The following CTNNA3 variants were observed in gnomAD, a reference collection of about 807,000 sequenced individuals.
The protein encoded by CTNNA3 is catenin alpha-3.
Under a neutral mutation model 95.7 loss-of-function variants are expected in CTNNA3, and 76 were observed. The observed-to-expected ratio is 0.79, with a 90% CI of 0.66 to 0.96. CTNNA3 has a LOEUF of 0.96. Among genes scored for constraint, CTNNA3 ranks in the 40% least tolerant of loss-of-function variants. CTNNA3 has a pLI of 0.00. For synonymous variants in CTNNA3, 431 were observed against 374.4 expected, an observed-to-expected ratio of 1.15 and a Z score of -1.74; for missense variants, 1,191 against 1,089.8, an observed-to-expected ratio of 1.09 and a Z score of -1.31.
intron 3 of CTNNA3, among the ~76,000 whole-genome samples, chr10:67,604,212 G>A (rs1369470725): frequency 6.6e-6 from 1 of 152,140 alleles, no homozygotes; most frequent in African/African-American, 2.4e-5. Flanking sequence ...TGTCCCCATT[G>A]TTAAGTAAGG....
intron 5 of CTNNA3, among the ~76,000 whole-genome samples, chr10:67,273,057 C>G (rs1589114109): frequency 6.6e-6 from 1 of 152,052 alleles, no homozygotes; most frequent in East Asian, 1.9e-4. Flanking sequence ...AGTTTTCATC[C>G]TAGCCATCCT....
At chr10:66,013,659 A>G (rs2079044688) in intron 15 of CTNNA3, among the ~76,000 whole-genome samples, 1 of 152,240 alleles carries the variant, frequency 6.6e-6, no homozygotes, top group South Asian at 2.1e-4. Context: ...AAATTATTTC[A>G]GCATTGAATT....
At chr10:66,812,103 A>G (rs755695589) in intron 7 of CTNNA3, among the ~76,000 whole-genome samples, 1 of 152,098 alleles carries the variant, frequency 6.6e-6, no homozygotes, top group Non-Finnish European at 1.5e-5. Flanking sequence ...CTTACCATGT[A>G]CCAACATGGG....
chr10:66,959,218 C>T (rs1848990875), intron 7 of CTNNA3, among the ~76,000 whole-genome samples: 1 of 152,124 alleles, frequency 6.6e-6, no homozygotes, highest in South Asian at 2.1e-4. Context: ...CTTTTATTCT[C>T]TTCAAAACCT....
chr10:65,964,386 T>G (rs569996050), intron 17 of CTNNA3, among the ~76,000 whole-genome samples: 1 of 152,292 alleles, frequency 6.6e-6, no homozygotes, highest in East Asian at 1.9e-4. Context: ...ACAGATAGTT[T>G]TGGATTTGCA....
chr10:67,132,249 G>C (rs561779672), intron 7 of CTNNA3, among the ~76,000 whole-genome samples: 6 of 152,042 alleles, frequency 3.9e-5, no homozygotes, highest in African/African-American at 1.2e-4. Context: ...TGAGAATAAG[G>C]TTAGGATTGA....
At chr10:67,735,591 G>A (rs982100618) in intron 1 of CTNNA3, among the ~76,000 whole-genome samples, 20 of 151,816 alleles carry the variant, frequency 1.3e-4, no homozygotes, top group African/African-American at 1.9e-4. Flanking sequence ...AATCAAAACC[G>A]CAATGAGATA....
At chr10:67,225,461 G>A (rs147161576) in intron 5 of CTNNA3, among the ~76,000 whole-genome samples, 2,114 of 152,214 alleles carry the variant, frequency 0.014, 18 homozygotes, top group Middle Eastern at 0.027. Flanking sequence ...GAACCCTCAC[G>A]GAGTCCACTG....
chr10:66,926,447 C>A, intron 7 of CTNNA3: 1 of 923,254 alleles, frequency 1.1e-6, no homozygotes, highest in Non-Finnish European at 1.7e-6. Flanking sequence ...ATCGGTCCAT[C>A]TCCCAAGGGG....
At chr10:66,765,937 AG>A (rs71466897) in intron 9 of CTNNA3, among the ~76,000 whole-genome samples, 2,469 of 152,326 alleles carry the variant, frequency 0.016, 69 homozygotes, top group Non-Finnish European at 0.015. Flanking sequence ...AAGATGGCAG[AG>A]AAATAATAAA....
intron 7 of CTNNA3, among the ~76,000 whole-genome samples, chr10:67,127,752 T>C (rs1177725936): frequency 2.6e-5 from 4 of 152,182 alleles, no homozygotes; most frequent in African/African-American, 9.6e-5. Flanking sequence ...CCTCACTCAT[T>C]TTTTACATTA....
chr10:67,556,812 G>C (rs909480524), intron 3 of CTNNA3, among the ~76,000 whole-genome samples: 1 of 151,928 alleles, frequency 6.6e-6, no homozygotes, highest in Admixed American at 6.6e-5. Flanking sequence ...GAATGTGTTC[G>C]CTCTTGCTTC....
At chr10:67,311,816 T>TTA (rs1840813942) in intron 5 of CTNNA3, among the ~76,000 whole-genome samples, 1 of 152,152 alleles carries the variant, frequency 6.6e-6, no homozygotes, top group Admixed American at 6.6e-5. Flanking sequence ...AGAGTAAATT[T>TTA]TATTGAATAC....
At chr10:67,724,218 G>A (rs1256881825) in intron 1 of CTNNA3, among the ~76,000 whole-genome samples, 1 of 152,124 alleles carries the variant, frequency 6.6e-6, no homozygotes, top group Non-Finnish European at 1.5e-5. Flanking sequence ...GAGAATCCAA[G>A]CTAAGACTGT....
At chr10:66,956,381 T>C (rs1243885469) in intron 7 of CTNNA3, among the ~76,000 whole-genome samples, 1 of 152,170 alleles carries the variant, frequency 6.6e-6, no homozygotes, top group South Asian at 2.1e-4. Flanking sequence ...GAGTAGGCAT[T>C]GCTTGCTATC....
intron 5 of CTNNA3, among the ~76,000 whole-genome samples, chr10:67,415,002 A>G (rs1476609401): frequency 6.6e-6 from 1 of 152,136 alleles, no homozygotes; most frequent in African/African-American, 2.4e-5. Context: ...ACAAAGGAAC[A>G]TACCTCAAAA....
intron 7 of CTNNA3, among the ~76,000 whole-genome samples, chr10:66,848,010 GAAA>G (rs1347470599): frequency 3.9e-5 from 6 of 152,242 alleles, no homozygotes. Flanking sequence ...ATTAGGGGAG[GAAA>G]CGAGAGTGAT....
At chr10:66,049,326 TAC>T (rs781642156) in intron 15 of CTNNA3, among the ~76,000 whole-genome samples, 23 of 152,296 alleles carry the variant, frequency 1.5e-4, no homozygotes, top group Middle Eastern at 3.4e-3. Flanking sequence ...GGAACACTTA[TAC>T]ACAGTTAGTG....
chr10:66,572,885 G>T (rs534975245), intron 10 of CTNNA3, among the ~76,000 whole-genome samples: 10 of 152,180 alleles, frequency 6.6e-5, no homozygotes, highest in Non-Finnish European at 1.0e-4. Context: ...TATCAGTCTT[G>T]CAAACAGACA....
Sources: allele counts gnomAD v4.1 joint callset (sites outside exome capture counted in the v4.1 genomes callset), GRCh38; gene constraint gnomAD v4.1.1; transcripts MANE v1.5; gene names NCBI Gene and HGNC (gene_info 2026-07-23, HGNC 2026-07-21).